Variants in NOL4 observed in about 807,000 individuals in gnomAD.
NOL4 encodes cancer/testis antigen 125.
A neutral mutation model predicts 75.9 loss-of-function variants in NOL4; 17 were observed. The observed-to-expected ratio is 0.22, with a 90% CI of 0.15 to 0.34. NOL4 has a LOEUF of 0.34. Among genes scored for constraint, NOL4 ranks in the 10% least tolerant of loss-of-function variants. The pLI, the probability that NOL4 is intolerant of heterozygous loss-of-function variation, is 1.00. For synonymous variants in NOL4, 292 were observed against 289.9 expected (o/e 1.01, Z -0.07); for missense variants, 614 against 793.5 (o/e 0.77, Z 2.72).
chr18:34,050,410 G>A lies in NOL4; in HGVS notation c.773-30809C>T, dbSNP rs568984039. On this transcript the variant is annotated intron_variant, in intron 5 of 10. Coordinates refer to ENST00000261592, the MANE Select transcript of NOL4 (RefSeq NM_003787.5). Reference sequence around the variant, plus strand: ...TCTAAATCATTTCTTAGTTAAAAATGTGTTGAAATAATTTACTGCTATAAT... The same window carrying A: ...TCTAAATCATTTCTTAGTTAAAAATATGTTGAAATAATTTACTGCTATAAT... Among the ~76,000 whole-genome samples the A allele has an allele frequency of 3.9e-5, 6 of 152,150 alleles. No individual in the cohort carries two copies. The South Asian group carries it at 1.2e-3, about 32-fold the overall frequency.
chr18:34,095,934 T>C (rs2078757792), intron 4 of NOL4, among the ~76,000 whole-genome samples: 1 of 151,626 alleles, frequency 6.6e-6, no homozygotes, highest in Non-Finnish European at 1.5e-5. Flanking sequence ...TTATATGGCA[T>C]ATAAATATGT....
intron 10 of NOL4, among the ~76,000 whole-genome samples, chr18:33,865,763 C>A (rs191494559): frequency 6.1e-4 from 93 of 152,206 alleles, no homozygotes; most frequent in African/African-American, 2.1e-3. Flanking sequence ...CTATGTCAAA[C>A]CAAAGCCATT....
chr18:33,933,400 C>G (rs1286803337), intron 9 of NOL4, among the ~76,000 whole-genome samples: 1 of 152,044 alleles, frequency 6.6e-6, no homozygotes, highest in Non-Finnish European at 1.5e-5. Context: ...TAAATAAAGA[C>G]AAGAATGAGG....
At chr18:34,117,720 G>A (rs1387032048) in intron 2 of NOL4, among the ~76,000 whole-genome samples, 1 of 152,182 alleles carries the variant, frequency 6.6e-6, no homozygotes, top group Non-Finnish European at 1.5e-5. Context: ...AAATGCGTTG[G>A]ACTTCCATTT....
chr18:33,915,638 T>C (rs780849116), intron 9 of NOL4, among the ~76,000 whole-genome samples: 12 of 152,130 alleles, frequency 7.9e-5, no homozygotes, highest in African/African-American at 1.9e-4. Context: ...ATATATGGCT[T>C]CTAATAATTT....
chr18:34,189,252 A>G (rs561772664), intron 1 of NOL4, among the ~76,000 whole-genome samples: 1 of 152,150 alleles, frequency 6.6e-6, no homozygotes, highest in Non-Finnish European at 1.5e-5. Context: ...CTCAGTTTAT[A>G]TTAATAACCA....
intron 5 of NOL4, among the ~76,000 whole-genome samples, chr18:34,080,824 A>C (rs2077976140): frequency 6.6e-6 from 1 of 152,204 alleles, no homozygotes; most frequent in Non-Finnish European, 1.5e-5. Context: ...ATAAAATGTA[A>C]GGTTTAGCTT....
chr18:34,117,766 C>T (rs561075256), intron 2 of NOL4, among the ~76,000 whole-genome samples: 1 of 152,278 alleles, frequency 6.6e-6, no homozygotes, highest in South Asian at 2.1e-4. Flanking sequence ...AAATAACTGC[C>T]TCTTCCTAAA....
chr18:34,170,629 C>T (rs890618820), intron 1 of NOL4, among the ~76,000 whole-genome samples: 1 of 152,098 alleles, frequency 6.6e-6, no homozygotes, highest in Admixed American at 6.6e-5. Flanking sequence ...TCTGTTTTTA[C>T]TTTAAAATGA....
At chr18:34,008,505 T>C (rs991485274) in intron 6 of NOL4, among the ~76,000 whole-genome samples, 1 of 151,822 alleles carries the variant, frequency 6.6e-6, no homozygotes. Context: ...TAAAAATAAA[T>C]ATTACAGGTT....
chr18:34,022,747 A>G (rs2144512751), intron 5 of NOL4, among the ~76,000 whole-genome samples: 1 of 152,166 alleles, frequency 6.6e-6, no homozygotes, highest in African/African-American at 2.4e-5. Context: ...AATAACCCTA[A>G]GTATATATTA....
At chr18:34,172,826 A>G (rs2146276473) in intron 1 of NOL4, among the ~76,000 whole-genome samples, 1 of 152,146 alleles carries the variant, frequency 6.6e-6, no homozygotes, top group Admixed American at 6.5e-5. Context: ...TTGGAAAAGT[A>G]TCTGTTCTGG....
chr18:34,063,170 AC>A (rs2077135801), intron 5 of NOL4, among the ~76,000 whole-genome samples: 1 of 152,090 alleles, frequency 6.6e-6, no homozygotes, highest in African/African-American at 2.4e-5. Context: ...GAGAAGAGAA[AC>A]CACAGCTATC....
intron 1 of NOL4, among the ~76,000 whole-genome samples, chr18:34,133,169 G>T (rs1264743149): frequency 6.6e-6 from 1 of 151,780 alleles, no homozygotes; most frequent in Non-Finnish European, 1.5e-5. Flanking sequence ...CTACTTGGGA[G>T]GCTGAGGCAG....
At chr18:33,996,372 C>A (rs1473312820) in intron 6 of NOL4, among the ~76,000 whole-genome samples, 1 of 151,250 alleles carries the variant, frequency 6.6e-6, no homozygotes, top group African/African-American at 2.4e-5. Flanking sequence ...TTGTAATGAA[C>A]AATGCAAAAA....
chr18:34,180,328 T>C (rs966304392), intron 1 of NOL4, among the ~76,000 whole-genome samples: 2 of 151,582 alleles, frequency 1.3e-5, no homozygotes, highest in African/African-American at 4.8e-5. Context: ...AATGCAAAGC[T>C]GATGGAATAG....
chr18:33,979,775 T>G (rs747692040), intron 6 of NOL4, among the ~76,000 whole-genome samples: 11 of 152,084 alleles, frequency 7.2e-5, no homozygotes, highest in Admixed American at 1.3e-4. Context: ...GCCAAAAAAT[T>G]AGTTTGCCAC....
Position 33,852,787 on chromosome 18 carries a change from T to A in NOL4, c.*55A>T. On this transcript the variant is annotated 3_prime_UTR_variant, in exon 11 of 11. Coordinates refer to ENST00000261592, the MANE Select transcript of NOL4 (RefSeq NM_003787.5). Reference sequence around the variant, plus strand: ...AAGTATCTCTGTTGGGAAATCAAAATGTCATTAGTGGAAACTGCAAATTTA... The same window carrying A: ...AAGTATCTCTGTTGGGAAATCAAAAAGTCATTAGTGGAAACTGCAAATTTA... The A allele has an allele frequency of 1.4e-6, 2 of 1,460,892 alleles. No individual in the cohort carries two copies. Among genetic ancestry groups the A allele is most frequent in the Non-Finnish European group, 1.9e-6 (2 of 1,062,878 alleles). 90.5% of individuals were successfully genotyped at this position (1,460,892 alleles called of 1,614,324 possible).
chr18:34,203,993 G>A (rs1189414603), intron 1 of NOL4, among the ~76,000 whole-genome samples: 1 of 152,032 alleles, frequency 6.6e-6, no homozygotes, highest in African/African-American at 2.4e-5. Flanking sequence ...GACAAGTGCT[G>A]ATAAGACAGT....
Sources: allele counts gnomAD v4.1 joint callset (sites outside exome capture counted in the v4.1 genomes callset), GRCh38; gene constraint gnomAD v4.1.1; transcripts MANE v1.5; gene names NCBI Gene and HGNC (gene_info 2026-07-23, HGNC 2026-07-21).